TTC28: variants seen among roughly 807,000 people sequenced by gnomAD.
TTC28 encodes tetratricopeptide repeat domain 28.
TTC28 carries 61 observed loss-of-function variants against 198.0 expected under a neutral mutation model. The ratio of observed to expected loss-of-function variants is 0.31; its 90% CI spans 0.25 to 0.38. The LOEUF (loss-of-function observed/expected upper bound fraction) is 0.38. TTC28 is among the 10% of genes least tolerant of loss of function. The pLI is 1.00. For synonymous variants in TTC28, 1,171 were observed against 1,297.8 expected (o/e 0.90, Z 2.10); for missense variants, 2,678 against 3,164.0 (o/e 0.85, Z 3.69).
At chr22:28,636,347 G>A (rs895454457) in intron 1 of TTC28, among the ~76,000 whole-genome samples, 9 of 151,774 alleles carry the variant, frequency 5.9e-5, no homozygotes, top group African/African-American at 1.7e-4. Flanking sequence ...GGATGGTCTC[G>A]ATCTCCTGAC....
Position 28,515,160 on chromosome 22 carries a change from G to A in TTC28, c.381+114392C>T, listed in dbSNP as rs541658583. ...GTAACTAATATTTTAAATCAATTAT[G>A]AAATAAAAATCAAAGCAATTTTTCT... On this transcript the variant is annotated intron_variant, in intron 2 of 22. Coordinates refer to ENST00000397906, the MANE Select transcript of TTC28 (RefSeq NM_001145418.2). 4.6e-3 allele frequency among the ~76,000 whole-genome samples: 703 copies of A among 152,138 alleles called. 4 individuals are homozygous for A. Among genetic ancestry groups the A allele is most frequent in the African/African-American group, 0.015 (631 of 41,520 alleles).
At chr22:28,623,245 C>T (rs946912146) in intron 2 of TTC28, among the ~76,000 whole-genome samples, 1 of 152,102 alleles carries the variant, frequency 6.6e-6, no homozygotes, top group Non-Finnish European at 1.5e-5. Context: ...CACCACCACA[C>T]CCAGGTCAGA....
chr22:28,410,083 G>A (rs1040387905), intron 2 of TTC28, among the ~76,000 whole-genome samples: 8 of 151,920 alleles, frequency 5.3e-5, no homozygotes, highest in Non-Finnish European at 8.8e-5. Flanking sequence ...CATCACAACC[G>A]GTTGATTTTT....
chr22:28,440,416 G>T lies in TTC28; in HGVS notation c.382-133773C>A, dbSNP rs574819906. Among the ~76,000 whole-genome samples, 33 of 152,260 alleles carry T rather than the reference G, an allele frequency of 2.2e-4. 1 individual carries two copies. The South Asian group carries it at 6.9e-3, about 32-fold the overall frequency. Reference sequence around the variant, plus strand: ...TAGATTAATCCAGCAAGTAAGCAGAGAAAAGAGAGGAGAGAGCTCCCGTTC... The same window carrying T: ...TAGATTAATCCAGCAAGTAAGCAGATAAAAGAGAGGAGAGAGCTCCCGTTC... On this transcript the variant is annotated intron_variant, in intron 2 of 22. Transcript: ENST00000397906.
At chr22:28,307,819 A>G (rs557660694) in intron 2 of TTC28, among the ~76,000 whole-genome samples, 90 of 152,298 alleles carry the variant, frequency 5.9e-4, no homozygotes, top group Admixed American at 2.4e-3. Context: ...ATATACTTAG[A>G]AATTGTCACA....
At chr22:28,519,494 T>C (rs886960662) in intron 2 of TTC28, among the ~76,000 whole-genome samples, 1 of 152,208 alleles carries the variant, frequency 6.6e-6, no homozygotes. Flanking sequence ...TTGAAACCAA[T>C]ATGGCCAACT....
chr22:28,122,074 G>C (rs1012020441), intron 6 of TTC28, among the ~76,000 whole-genome samples: 1 of 152,120 alleles, frequency 6.6e-6, no homozygotes, highest in Admixed American at 6.5e-5. Flanking sequence ...TACCCTGTTG[G>C]CCAGGCTGTT....
intron 1 of TTC28, among the ~76,000 whole-genome samples, chr22:28,677,199 T>C (rs1555910222): frequency 2.1e-5 from 2 of 95,398 alleles, no homozygotes; most frequent in African/African-American, 4.4e-5. Flanking sequence ...TATATATATA[T>C]ATACACACAT....
rs928599645 is a variant in TTC28, at chr22:28,105,798, T to C, written c.2788A>G (p.Met930Val). The C allele has an allele frequency of 1.0e-5, 16 of 1,549,674 alleles. No homozygotes were observed. The Admixed American group carries it at 2.8e-4, about 27-fold the overall frequency. ...YRGLGNGHRA[M>V]GSLQQALVCF... ...ACAAGGGCTTGCTGCAAGCTCCCCATTGCCCTGTGGGGATGTAGACAGAAA... is the reference window on the plus strand; with the variant it reads ...ACAAGGGCTTGCTGCAAGCTCCCCACTGCCCTGTGGGGATGTAGACAGAAA... The change falls in exon 8 of 23, where the codon ATG (methionine) becomes GTG (valine). Residue 930 changes from methionine (M) to valine (V), a missense_variant. Transcript: ENST00000397906.
intron 2 of TTC28, among the ~76,000 whole-genome samples, chr22:28,492,538 A>G (rs1435986942): frequency 6.6e-6 from 1 of 152,180 alleles, no homozygotes; most frequent in African/African-American, 2.4e-5. Context: ...CAAAAACAGG[A>G]AGGGAAAAAG....
chr22:28,208,611 C>A (rs547314018), intron 5 of TTC28, among the ~76,000 whole-genome samples: 1 of 152,226 alleles, frequency 6.6e-6, no homozygotes, highest in African/African-American at 2.4e-5. Context: ...TAGCAATAGT[C>A]CTCACTCATA....
chr22:28,399,110 T>C (rs1373895273), intron 2 of TTC28, among the ~76,000 whole-genome samples: 3 of 151,652 alleles, frequency 2.0e-5, no homozygotes, highest in African/African-American at 7.3e-5. Flanking sequence ...ACTTCAACTC[T>C]ACCAGACTTT....
At chr22:28,526,576 C>T (rs2049008344) in intron 2 of TTC28, among the ~76,000 whole-genome samples, 1 of 152,092 alleles carries the variant, frequency 6.6e-6, no homozygotes, top group Non-Finnish European at 1.5e-5. Context: ...GTAGAACGCC[C>T]ACAGTCTTAC....
intron 12 of TTC28, among the ~76,000 whole-genome samples, chr22:28,039,532 A>AGG (rs1939522464): frequency 3.2e-5 from 1 of 31,742 alleles, no homozygotes; most frequent in African/African-American, 1.3e-4. Context: ...GGGTGGGGGG[A>AGG]GGTGGGAGGG....
chr22:28,244,016 A>G (rs1287737693), intron 5 of TTC28, among the ~76,000 whole-genome samples: 1 of 152,210 alleles, frequency 6.6e-6, no homozygotes, highest in East Asian at 1.9e-4. Flanking sequence ...TAAATTATAC[A>G]TATTTATTTT....
At chr22:28,011,347 A>G (rs1938153857) in intron 14 of TTC28, among the ~76,000 whole-genome samples, 2 of 152,212 alleles carry the variant, frequency 1.3e-5, no homozygotes, top group South Asian at 4.1e-4. Context: ...CGTAATGCCA[A>G]CACTTTGGGA....
At chr22:28,502,421 A>G (rs1307244086) in intron 2 of TTC28, among the ~76,000 whole-genome samples, 3 of 152,038 alleles carry the variant, frequency 2.0e-5, no homozygotes, top group African/African-American at 4.8e-5. Context: ...AGGCCGGATC[A>G]TGAGGTCAGG....
chr22:28,098,755 G>C (rs1942046199), intron 10 of TTC28, among the ~76,000 whole-genome samples, 160 bp downstream of exon 10: 1 of 152,176 alleles, frequency 6.6e-6, no homozygotes, highest in African/African-American at 2.4e-5. Context: ...TTGAATAAAT[G>C]AATGAATGTT....
chr22:28,396,315 T>C (rs1031387799), intron 2 of TTC28, among the ~76,000 whole-genome samples: 9 of 152,194 alleles, frequency 5.9e-5, no homozygotes, highest in African/African-American at 2.2e-4. Context: ...GCGATTTCAC[T>C]AGTATTGAAA....
Sources: allele counts gnomAD v4.1 joint callset (sites outside exome capture counted in the v4.1 genomes callset), GRCh38; gene constraint gnomAD v4.1.1; transcripts MANE v1.5; gene names NCBI Gene and HGNC (gene_info 2026-07-23, HGNC 2026-07-21).